HMGCLL1: variants seen among roughly 807,000 people sequenced by gnomAD.
HMGCLL1 encodes the protein 3-hydroxymethyl-3-methylglutaryl-CoA lyase, cytoplasmic.
A neutral mutation model predicts 39.1 loss-of-function variants in HMGCLL1; 36 were observed. The observed-to-expected ratio is 0.92, with a 90% confidence interval of 0.71 to 1.22. HMGCLL1 has a LOEUF of 1.22. HMGCLL1 is among the 50% of genes most tolerant of loss of function. The pLI, the probability that HMGCLL1 is intolerant of heterozygous loss-of-function variation, is 0.00. For missense variants in HMGCLL1, 451 were observed against 416.5 expected, an observed-to-expected ratio of 1.08 and a Z score of -0.72; for synonymous variants, 149 against 144.0, an observed-to-expected ratio of 1.03 and a Z score of -0.25.
At chr6:55,646,773 A>AT in the HMGCLL1 span, among the ~76,000 whole-genome samples, 4 of 151,892 alleles carry the variant, frequency 2.6e-5, no homozygotes, top group African/African-American at 4.8e-5. Flanking sequence ...ATATTATTTC[A>AT]TTTTTTTGAA....
rs574126292 is a variant in HMGCLL1 at position 55,528,645 on chromosome 6, T to TTA, written c.298-12043_298-12042insTA. Among the ~76,000 whole-genome samples, 771 of 151,564 alleles carry TTA rather than the reference T, an allele frequency of 5.1e-3. 7 individuals are homozygous for TTA. Among genetic ancestry groups the TTA allele is most frequent in the Non-Finnish European group, 8.5e-3 (578 of 67,836 alleles). On this transcript the variant is annotated intron_variant, in intron 3 of 8. Transcript: ENST00000274901. ...CTCTGGAAAATTGAACATCCAGTTTTTTTTTTTCTACCCAATACCCTGTCT... is the reference window on the plus strand; with the variant it reads ...CTCTGGAAAATTGAACATCCAGTTTTTATTTTTTTCTACCCAATACCCTGTCT...
chr6:55,577,235 GATAGAAAAA>G (rs59821254), intron 1 of HMGCLL1: 570,325 of 1,530,976 alleles, frequency 0.37, 111,699 homozygotes, highest in African/African-American at 0.58. Context: ...ATTACGATAA[GATAGAAAAA>G]ATCACAATTC....
intron 7 of HMGCLL1, among the ~76,000 whole-genome samples, chr6:55,495,053 T>C (rs1766502565): frequency 6.6e-6 from 1 of 152,238 alleles, no homozygotes; most frequent in Admixed American, 6.5e-5. Flanking sequence ...ATGATTATGA[T>C]AGTCTACTAT....
chr6:55,668,460 TAA>T, the HMGCLL1 span, among the ~76,000 whole-genome samples: 4 of 151,838 alleles, frequency 2.6e-5, no homozygotes, highest in East Asian at 5.8e-4. Flanking sequence ...CTGGGTAAAA[TAA>T]AGTAAACACA....
At chr6:55,612,417 T>A in the HMGCLL1 span, among the ~76,000 whole-genome samples, 1 of 152,132 alleles carries the variant, frequency 6.6e-6, no homozygotes, top group Non-Finnish European at 1.5e-5. Flanking sequence ...AAACTGCCAT[T>A]TACATTCTTC....
the HMGCLL1 span, among the ~76,000 whole-genome samples, chr6:55,644,683 C>T: frequency 6.6e-6 from 1 of 151,856 alleles, no homozygotes; most frequent in East Asian, 1.9e-4. Context: ...GTTCTTGGCA[C>T]CTTTTTCAAG....
At chr6:55,448,012 C>T (rs1561886002) in intron 7 of HMGCLL1, among the ~76,000 whole-genome samples, 1 of 152,128 alleles carries the variant, frequency 6.6e-6, no homozygotes, top group Admixed American at 6.6e-5. Flanking sequence ...AATCAAAAGG[C>T]TTCCTTTTCT....
At chr6:55,571,808 CAAAAAAT>C (rs751022560) in intron 1 of HMGCLL1, among the ~76,000 whole-genome samples, 6 of 151,530 alleles carry the variant, frequency 4.0e-5, no homozygotes, top group South Asian at 2.1e-4. Flanking sequence ...GACTCCATCT[CAAAAAAT>C]AAAAAATAAA....
At chr6:55,529,649 A>G (rs1768527402) in intron 3 of HMGCLL1, among the ~76,000 whole-genome samples, 1 of 152,126 alleles carries the variant, frequency 6.6e-6, no homozygotes, top group Non-Finnish European at 1.5e-5. Context: ...TGCTTAACAT[A>G]CCCTGGTTAC....
chr6:55,598,518 G>A, the HMGCLL1 span, among the ~76,000 whole-genome samples: 2 of 152,144 alleles, frequency 1.3e-5, no homozygotes, highest in African/African-American at 4.8e-5. Context: ...CGCTAACATA[G>A]CTGAAAGCAT....
In HMGCLL1 at chr6:55,579,168, G is replaced by GTCCTCACAGCCAGTGCAC; in HGVS notation, c.-114_-113insGTGCACTGGCTGTGAGGA. ...GGGAGCGCGCCCCTCCGGTGCACTG[G>GTCCTCACAGCCAGTGCAC]CTGTGAGGACCAGAGCTGTTCTGCG... On this transcript the variant is annotated 5_prime_UTR_variant, in exon 1 of 9. Transcript: ENST00000274901. The GTCCTCACAGCCAGTGCAC allele has an allele frequency of 1.3e-6, 1 of 789,836 alleles. No individual in the cohort carries two copies. The highest frequency in any genetic ancestry group is 2.1e-6 in the Non-Finnish European group (1 of 472,368). The allele number at this position is 789,836 out of a possible 1,614,324, so 48.9% of individuals were successfully genotyped here. A position where few individuals can be genotyped will look rare whatever the true frequency, so the allele number is the denominator to read the frequency against.
intron 7 of HMGCLL1, among the ~76,000 whole-genome samples, chr6:55,476,664 A>C (rs1765299934): frequency 6.6e-6 from 1 of 151,620 alleles, no homozygotes; most frequent in Admixed American, 6.6e-5. Context: ...TAATGTGGTA[A>C]TTCTATGATT....
chr6:55,605,910 T>A, the HMGCLL1 span, among the ~76,000 whole-genome samples: 1 of 152,192 alleles, frequency 6.6e-6, no homozygotes, highest in South Asian at 2.1e-4. Context: ...ATAGGTGCTT[T>A]GTAATTTCCC....
chr6:55,616,152 A>G, the HMGCLL1 span, among the ~76,000 whole-genome samples: 1 of 152,092 alleles, frequency 6.6e-6, no homozygotes, highest in Non-Finnish European at 1.5e-5. Flanking sequence ...AGATCTTCCC[A>G]TTAAGACTTG....
rs939445476 is a variant in HMGCLL1 at position 55,548,019 on chromosome 6, C to T, written c.109-5879G>A. Among the ~76,000 whole-genome samples the T allele has an allele frequency of 2.6e-5, 4 of 151,992 alleles. No individual in the cohort carries two copies. In the South Asian group the frequency reaches 8.3e-4, roughly 32 times the overall value. On this transcript the variant is annotated intron_variant, in intron 1 of 8. Transcript: ENST00000274901. ...ACTGTTCTTTCAGAATACCTATGTG[C>T]CAACGTTGATTCACAGGCAATCTTT... is the stretch of plus-strand genomic sequence containing the variant.
chr6:55,603,389 C>CT, the HMGCLL1 span, among the ~76,000 whole-genome samples: 4 of 151,976 alleles, frequency 2.6e-5, no homozygotes, highest in Non-Finnish European at 5.9e-5. Flanking sequence ...ACAAATTCCA[C>CT]TTTTTTAAAG....
intron 7 of HMGCLL1, among the ~76,000 whole-genome samples, chr6:55,469,533 A>C (rs7749287): frequency 0.56 from 83,611 of 149,614 alleles, 24,898 homozygotes; most frequent in African/African-American, 0.78. Flanking sequence ...ATATGTAATA[A>C]AATGGAAAGG....
the HMGCLL1 span, among the ~76,000 whole-genome samples, chr6:55,657,541 C>A: frequency 6.6e-6 from 1 of 151,904 alleles, no homozygotes; most frequent in Non-Finnish European, 1.5e-5. Flanking sequence ...TTCCATTGGT[C>A]TATGTGTCTG....
Position 55,524,260 on chromosome 6 carries a change from AC to A in HMGCLL1, c.298-7658del, listed in dbSNP as rs775475457. Among the ~76,000 whole-genome samples, 13 of 151,508 alleles carry A rather than the reference AC, an allele frequency of 8.6e-5. No homozygotes were observed. The East Asian group carries it at 2.3e-3, about 27-fold the overall frequency. The stretch of plus-strand genomic sequence containing the variant: ...AGAGACGAACAAAGAATGTATAGTC[AC>A]AAAATAAGAGAAAAAGCGTATTATG... On this transcript the variant is annotated intron_variant, in intron 3 of 8. Coordinates refer to ENST00000274901, the MANE Select transcript of HMGCLL1 (RefSeq NM_001042406.2).
Sources: allele counts gnomAD v4.1 joint callset (sites outside exome capture counted in the v4.1 genomes callset), GRCh38; gene constraint gnomAD v4.1.1; transcripts MANE v1.5; gene names NCBI Gene and HGNC (gene_info 2026-07-23, HGNC 2026-07-21).